The following FAM168A variants were observed in gnomAD, a reference collection of about 807,000 sequenced individuals.
FAM168A encodes the protein family with sequence similarity 168 member A.
A neutral mutation model predicts 28.5 loss-of-function variants in FAM168A; 3 were observed. The ratio of observed to expected loss-of-function variants is 0.11; its 90% confidence interval spans 0.05 to 0.27. The LOEUF is 0.27. FAM168A is among the 10% of genes least tolerant of loss of function. FAM168A has a pLI of 1.00. For missense variants in FAM168A, 222 were observed against 311.5 expected (o/e 0.71, Z 2.16); for synonymous variants, 122 against 124.2 (o/e 0.98, Z 0.12).
chr11:73,563,592 T>C (rs987167276), intron 1 of FAM168A, among the ~76,000 whole-genome samples: 1 of 152,238 alleles, frequency 6.6e-6, no homozygotes, highest in Non-Finnish European at 1.5e-5. Flanking sequence ...AATGGTTATA[T>C]GTAATTGTAT....
At chr11:73,492,511 G>A (rs1335168894) in intron 1 of FAM168A, among the ~76,000 whole-genome samples, 1 of 152,140 alleles carries the variant, frequency 6.6e-6, no homozygotes, top group East Asian at 1.9e-4. Context: ...GCACGGTGGC[G>A]TGCACCTGTA....
chr11:73,429,295 G>C (rs1350542035), intron 3 of FAM168A, among the ~76,000 whole-genome samples: 1 of 152,098 alleles, frequency 6.6e-6, no homozygotes, highest in East Asian at 1.9e-4. Context: ...TCCATATGTG[G>C]CTGCTGACTC....
At chr11:73,522,617 T>A (rs1364393969) in intron 1 of FAM168A, among the ~76,000 whole-genome samples, 1 of 151,562 alleles carries the variant, frequency 6.6e-6, no homozygotes, top group African/African-American at 2.4e-5. Flanking sequence ...ATTACAGGTG[T>A]GAGCCACCAC....
rs1295950668 is a variant in FAM168A at position 73,480,684 on chromosome 11, C to T, written c.-18-12192G>A. Among the ~76,000 whole-genome samples, 3 of 151,838 alleles carry T rather than the reference C, an allele frequency of 2.0e-5. No individual in the cohort carries two copies. In the East Asian group the frequency reaches 5.8e-4, roughly 29 times the overall value. On this transcript the variant is annotated intron_variant, in intron 1 of 7. Transcript: ENST00000356467. ...CTTATGAAGAGAGTGCAAGAGTTAACAATGACCATTTTACAAAACAAACAA... is the reference window on the plus strand; with the variant it reads ...CTTATGAAGAGAGTGCAAGAGTTAATAATGACCATTTTACAAAACAAACAA...
intron 3 of FAM168A, among the ~76,000 whole-genome samples, chr11:73,428,070 A>G (rs1866920806): frequency 6.6e-6 from 1 of 152,224 alleles, no homozygotes; most frequent in African/African-American, 2.4e-5. Context: ...AAGCACATCT[A>G]TCTGTGACCT....
intron 1 of FAM168A, among the ~76,000 whole-genome samples, chr11:73,521,482 G>A (rs1943375972): frequency 1.3e-5 from 2 of 152,116 alleles, no homozygotes; most frequent in South Asian, 4.1e-4. Flanking sequence ...AAAAAAAGAA[G>A]AAGAAAACTC....
intron 1 of FAM168A, among the ~76,000 whole-genome samples, chr11:73,545,035 T>C (rs1352723839): frequency 1.0e-5 from 1 of 96,518 alleles, no homozygotes; most frequent in East Asian, 2.3e-4. Flanking sequence ...ATAATATATA[T>C]ATATTTTTTG....
chr11:73,593,864 A>T (rs1944411569), intron 1 of FAM168A, among the ~76,000 whole-genome samples: 1 of 152,210 alleles, frequency 6.6e-6, no homozygotes, highest in Non-Finnish European at 1.5e-5. Context: ...TAAGTGGTAG[A>T]CAGACTTCAA....
chr11:73,481,241 T>A (rs1398089571), intron 1 of FAM168A, among the ~76,000 whole-genome samples: 1 of 152,148 alleles, frequency 6.6e-6, no homozygotes, highest in African/African-American at 2.4e-5. Context: ...TTACTCTTCT[T>A]TTTAGGGTTC....
intron 1 of FAM168A, among the ~76,000 whole-genome samples, chr11:73,480,544 G>C (rs927547937): frequency 2.0e-5 from 3 of 152,116 alleles, no homozygotes; most frequent in Non-Finnish European, 2.9e-5. Context: ...TTGTATTTAA[G>C]ATTGACTGTA....
chr11:73,571,459 G>A (rs1195931237), intron 1 of FAM168A, among the ~76,000 whole-genome samples: 3 of 151,924 alleles, frequency 2.0e-5, no homozygotes, highest in African/African-American at 7.3e-5. Context: ...TGTTGGCCGG[G>A]CTGGTCTCCA....
intron 2 of FAM168A, among the ~76,000 whole-genome samples, chr11:73,462,521 T>A (rs757097832): frequency 6.6e-6 from 1 of 152,198 alleles, no homozygotes. Context: ...TGTGAATCAA[T>A]AGTGACGACA....
intron 1 of FAM168A, among the ~76,000 whole-genome samples, chr11:73,479,083 G>A (rs1867931557): frequency 1.3e-5 from 2 of 152,146 alleles, no homozygotes; most frequent in Non-Finnish European, 1.5e-5. Flanking sequence ...CTGTTACCTG[G>A]GGAAGGTGCC....
intron 2 of FAM168A, among the ~76,000 whole-genome samples, chr11:73,449,219 C>T (rs1165723269): frequency 2.0e-5 from 3 of 152,218 alleles, no homozygotes. Flanking sequence ...ATCCTCTTGC[C>T]TCAGCCTCCC....
At chr11:73,580,150 CAGA>C in intron 1 of FAM168A, 2 of 340,476 alleles carry the variant, frequency 5.9e-6, no homozygotes, top group East Asian at 8.0e-5. Context: ...AAACAAAAAC[CAGA>C]AGAAGAGGTG....
chr11:73,484,691 T>C (rs1384091190), intron 1 of FAM168A, among the ~76,000 whole-genome samples: 2 of 141,692 alleles, frequency 1.4e-5, no homozygotes, highest in Non-Finnish European at 3.0e-5. Flanking sequence ...GCTATAGATA[T>C]ATAGATATAG....
chr11:73,472,159 G>A lies in FAM168A; in HGVS notation c.-18-3667C>T, dbSNP rs492293. Among the ~76,000 whole-genome samples the A allele has an allele frequency of 2.6e-4, 39 of 151,934 alleles. 2 individuals are homozygous for A. Among genetic ancestry groups the A allele is most frequent in the Non-Finnish European group, 1.2e-4 (8 of 67,984 alleles). On this transcript the variant is annotated intron_variant, in intron 1 of 7. Coordinates refer to ENST00000356467, the MANE Select transcript of FAM168A (RefSeq NM_015159.3). ...CCTGGTGCCAAAAAGGTTGGGGACC[G>A]CTCCTGTAAAGAAATCCACTCAGGC...
chr11:73,550,734 G>A (rs1414465938), intron 1 of FAM168A, among the ~76,000 whole-genome samples: 2 of 152,022 alleles, frequency 1.3e-5, no homozygotes, highest in African/African-American at 4.8e-5. Context: ...AGAGATAAAT[G>A]TCATGGATGA....
At chr11:73,584,300 G>C (rs1020414402) in intron 1 of FAM168A, among the ~76,000 whole-genome samples, 1 of 150,746 alleles carries the variant, frequency 6.6e-6, no homozygotes, top group African/African-American at 2.4e-5. Flanking sequence ...AGCCTCCCGA[G>C]TAGCTGGGAC....
Sources: gnomAD v4.1 joint callset for allele counts (sites outside exome capture counted in the v4.1 genomes callset) on GRCh38, gnomAD v4.1.1 for gene constraint, MANE v1.5 for transcripts, NCBI Gene and HGNC (gene_info 2026-07-23, HGNC 2026-07-21) for gene names.